The following ARPC1B variants were observed in gnomAD, a reference collection of about 807,000 sequenced individuals.
The protein encoded by ARPC1B is actin-related protein 2/3 complex subunit 1B.
In ARPC1B, 29 loss-of-function variants were observed where a neutral mutation model predicts 46.0. The ratio of observed to expected loss-of-function variants is 0.63; its 90% CI spans 0.47 to 0.86. The LOEUF (loss-of-function observed/expected upper bound fraction) is 0.86. Ranked by LOEUF, ARPC1B falls within the 40% of genes least tolerant of loss-of-function variation. The pLI, the probability that ARPC1B is intolerant of heterozygous loss-of-function variation, is 0.00. For missense variants in ARPC1B, 469 were observed against 529.4 expected (o/e 0.89, Z 1.12); for synonymous variants, 201 against 213.9 (o/e 0.94, Z 0.53).
intron 1 of ARPC1B, among the ~76,000 whole-genome samples, chr7:99,378,681 T>C (rs1012192953): frequency 8.8e-5 from 13 of 148,284 alleles, no homozygotes; most frequent in African/African-American, 3.0e-4. Flanking sequence ...AGACTACATC[T>C]CAAAAATAAA....
chr7:99,394,202 C>T, intron 9 of ARPC1B, 83 bp downstream of exon 9: 1 of 1,441,614 alleles, frequency 6.9e-7, no homozygotes, highest in South Asian at 1.2e-5. Flanking sequence ...AGATGACCCC[C>T]ATCCTTCACT....
At chr7:99,390,451 C>G (rs1794535428) in intron 5 of ARPC1B, among the ~76,000 whole-genome samples, 1 of 152,034 alleles carries the variant, frequency 6.6e-6, no homozygotes, top group African/African-American at 2.4e-5. Flanking sequence ...TCACTGCAAC[C>G]TCCGCCTGCT....
At chr7:99,382,551 C>T (rs936072615) in intron 1 of ARPC1B, among the ~76,000 whole-genome samples, 2 of 152,066 alleles carry the variant, frequency 1.3e-5, no homozygotes, top group African/African-American at 2.4e-5. Context: ...CTCACTGCAG[C>T]CTCAAACTCC....
At chr7:99,394,325 C>CA (rs1315847953) in intron 9 of ARPC1B, 126 bp from the exon 10 acceptor site, 6 of 1,091,352 alleles carry the variant, frequency 5.5e-6, no homozygotes, top group Admixed American at 1.8e-5. Context: ...ACCCAGCTGA[C>CA]AGACTCCAAA....
rs760115816 is a variant in ARPC1B, at chr7:99,394,048, G to A, written c.1009G>A (p.Gly337Ser). 16 of 1,613,164 alleles carry A rather than the reference G, an allele frequency of 9.9e-6. No homozygotes were observed. Among genetic ancestry groups the A allele is most frequent in the African/African-American group, 2.7e-5 (2 of 74,948 alleles). ...TTGCAGCCAGATCTCGGTGCTCAGC[G>A]GCGGCAAGGCCAAGTGCTCGCAGTT... ...NSVSQISVLS[G>S]GKAKCSQFCT... The change falls in exon 9 of 10, where the codon GGC becomes AGC. Residue 337 changes from glycine (G) to serine (S), a missense_variant. Coordinates refer to ENST00000646101, the MANE Select transcript of ARPC1B (RefSeq NM_005720.4).
At chr7:99,392,933 C>A in intron 8 of ARPC1B, 57 bp downstream of exon 8, 1 of 1,476,926 alleles carries the variant, frequency 6.8e-7, no homozygotes, top group Non-Finnish European at 9.1e-7. Context: ...CCAGAAACAG[C>A]GTCGGGTGAG....
At chr7:99,380,181 G>A (rs1794167998) in intron 1 of ARPC1B, among the ~76,000 whole-genome samples, 1 of 152,212 alleles carries the variant, frequency 6.6e-6, no homozygotes, top group Non-Finnish European at 1.5e-5. Flanking sequence ...TGGTAGGTGA[G>A]AGGTTTTCCT....
intron 1 of ARPC1B, among the ~76,000 whole-genome samples, 162 bp from the exon 2 acceptor site, chr7:99,385,540 C>T (rs1427941882): frequency 6.6e-6 from 1 of 152,170 alleles, no homozygotes; most frequent in Non-Finnish European, 1.5e-5. Context: ...CAGTTGGGAG[C>T]CAGGGCTGGC....
Position 99,388,198 on chromosome 7 carries a change from A to C in ARPC1B, c.329A>C (p.Lys110Thr), listed in dbSNP as rs1377946182. ...GTGCGCTGGGCCCCCAACGAGAACA[A>C]GTTTGCTGTGGGCAGCGGCTCTCGT... is the stretch of plus-strand genomic sequence containing the variant. ...RCVRWAPNEN[K>T]FAVGSGSRVI... The change falls in exon 4 of 10, where the codon AAG becomes ACG. Residue 110 changes from lysine to threonine, a missense_variant. Transcript: ENST00000646101. 1 of 1,614,114 alleles carries C rather than the reference A, an allele frequency of 6.2e-7. No individual in the cohort carries two copies. Among genetic ancestry groups the C allele is most frequent in the Non-Finnish European group, 8.5e-7 (1 of 1,180,032 alleles).
chr7:99,383,465 G>C (rs1029072469), intron 1 of ARPC1B, among the ~76,000 whole-genome samples: 13 of 152,192 alleles, frequency 8.5e-5, no homozygotes, highest in Non-Finnish European at 1.8e-4. Context: ...ACGAGAACAA[G>C]ATAGAACAAA....
At chr7:99,390,353 C>T (rs1297090187) in intron 5 of ARPC1B, among the ~76,000 whole-genome samples, 4 of 151,886 alleles carry the variant, frequency 2.6e-5, no homozygotes, top group African/African-American at 2.4e-5. Flanking sequence ...AAGACTACCA[C>T]GCCCAGCTAG....
chr7:99,393,648 G>A (rs940298285), intron 8 of ARPC1B, among the ~76,000 whole-genome samples: 21 of 152,128 alleles, frequency 1.4e-4, no homozygotes, highest in African/African-American at 5.1e-4. Context: ...CAAGCCCTTC[G>A]GTCTGTAAAA....
At position 99,391,088 on chromosome 7, in the gene ARPC1B, CAAG is replaced by C. The variant is rs1562817509; in HGVS notation, c.701_703del (p.Lys234del). ...GCACCGTCTGCCTGGCTGATGCCGA[CAAG>C]AAGATGGCGTGAGTCGAGGCCATCC... On this transcript the variant is annotated inframe_deletion, in exon 6 of 10. Transcript: ENST00000646101. 2 of 1,613,504 alleles carry C rather than the reference CAAG, an allele frequency of 1.2e-6. No homozygotes were observed. Among genetic ancestry groups the C allele is most frequent in the Non-Finnish European group, 1.7e-6 (2 of 1,179,702 alleles).
At position 99,385,428 on chromosome 7, in the gene ARPC1B, TCTC is replaced by T. The variant is rs927845772; in HGVS notation, c.-13-269_-13-267del. On this transcript the variant is annotated intron_variant, in intron 1 of 9. Coordinates refer to ENST00000646101, the MANE Select transcript of ARPC1B (RefSeq NM_005720.4). ...AGGGAGCATCTCCCCTGTAGTACCG[TCTC>T]CTCCACCCTGTCCCTGGAGCCTCAG... Among the ~76,000 whole-genome samples the T allele has an allele frequency of 1.4e-4, 21 of 151,914 alleles. No individual in the cohort carries two copies. In the East Asian group the frequency reaches 1.6e-3, roughly 11 times the overall value.
intron 1 of ARPC1B, among the ~76,000 whole-genome samples, chr7:99,377,098 A>T (rs1206460193): frequency 6.6e-6 from 1 of 151,828 alleles, no homozygotes; most frequent in Non-Finnish European, 1.5e-5. Context: ...TTTAGCCCCA[A>T]ACTCCTGGGC....
chr7:99,393,389 A>T (rs975461753), intron 8 of ARPC1B, among the ~76,000 whole-genome samples: 1 of 152,038 alleles, frequency 6.6e-6, no homozygotes, highest in African/African-American at 2.4e-5. Flanking sequence ...GGACTGTCGT[A>T]GGGCTGGCCC....
chr7:99,393,191 G>T (rs1197185847), intron 8 of ARPC1B, among the ~76,000 whole-genome samples: 1 of 152,136 alleles, frequency 6.6e-6, no homozygotes, highest in Non-Finnish European at 1.5e-5. Flanking sequence ...GACTCGCTGC[G>T]GAATAACATC....
At chr7:99,376,061 CAAAAAAA>C (rs1055447800) in intron 1 of ARPC1B, among the ~76,000 whole-genome samples, 2 of 96,222 alleles carry the variant, frequency 2.1e-5, no homozygotes, top group Non-Finnish European at 4.9e-5. Context: ...GACTCCGTCT[CAAAAAAA>C]AAAAAAAAAG....
At chr7:99,387,602 T>G (rs1794433446) in intron 3 of ARPC1B, among the ~76,000 whole-genome samples, 1 of 152,104 alleles carries the variant, frequency 6.6e-6, no homozygotes. Flanking sequence ...CCAGGCATGA[T>G]GGCGGGTGCC....
Sources: gnomAD v4.1 joint callset for allele counts (sites outside exome capture counted in the v4.1 genomes callset) on GRCh38, gnomAD v4.1.1 for gene constraint, MANE v1.5 for transcripts, NCBI Gene and HGNC (gene_info 2026-07-23, HGNC 2026-07-21) for gene names.